Variants in HABP4 observed in about 807,000 individuals in gnomAD.
The protein encoded by HABP4 is hyaluronan binding protein 4, also known as intracellular hyaluronan-binding protein 4.
In HABP4, 32 loss-of-function variants were observed where a neutral mutation model predicts 44.1. That is an observed-to-expected ratio of 0.73 (90% CI 0.55 to 0.97). HABP4 has a LOEUF of 0.97. Among genes scored for constraint, HABP4 ranks in the 50% least tolerant of loss-of-function variants. The pLI is 0.00. For synonymous variants in HABP4, 216 were observed against 218.0 expected (o/e 0.99, Z 0.08); for missense variants, 503 against 561.9 (o/e 0.90, Z 1.06).
chr9:96,461,985 C>A (rs1010500012), intron 2 of HABP4, among the ~76,000 whole-genome samples: 2 of 151,480 alleles, frequency 1.3e-5, no homozygotes, highest in Non-Finnish European at 2.9e-5. Flanking sequence ...AGTGAATCCC[C>A]GCCTTATTAA....
intron 5 of HABP4, among the ~76,000 whole-genome samples, chr9:96,471,637 G>A (rs1359968465): frequency 6.6e-6 from 1 of 152,150 alleles, no homozygotes; most frequent in Admixed American, 6.5e-5. Flanking sequence ...CTCTTTTCCA[G>A]CAGCTTGTTA....
chr9:96,464,308 G>A (rs1832558373), intron 2 of HABP4, among the ~76,000 whole-genome samples: 1 of 152,152 alleles, frequency 6.6e-6, no homozygotes, highest in African/African-American at 2.4e-5. Context: ...GGGGGGCCAG[G>A]CGGATGTGGC....
chr9:96,466,623 A>G (rs538670197), intron 4 of HABP4, among the ~76,000 whole-genome samples: 23 of 152,328 alleles, frequency 1.5e-4, no homozygotes, highest in Middle Eastern at 3.4e-3. Context: ...ATTTCATAAA[A>G]TCATTTGTAG....
chr9:96,452,461 T>C (rs1832301234), intron 1 of HABP4, among the ~76,000 whole-genome samples: 1 of 152,154 alleles, frequency 6.6e-6, no homozygotes, highest in Non-Finnish European at 1.5e-5. Flanking sequence ...TTAAATGATA[T>C]AAACTGGGTT....
intron 5 of HABP4, among the ~76,000 whole-genome samples, chr9:96,479,998 C>A (rs943869809): frequency 2.0e-5 from 3 of 151,860 alleles, no homozygotes; most frequent in Non-Finnish European, 4.4e-5. Flanking sequence ...GACCCTCCCC[C>A]ACCCAGTCTC....
intron 5 of HABP4, among the ~76,000 whole-genome samples, chr9:96,479,396 T>G (rs1322136874): frequency 2.0e-5 from 3 of 151,814 alleles, no homozygotes; most frequent in African/African-American, 7.3e-5. Flanking sequence ...CATAAACATT[T>G]AGGTTACTTT....
chr9:96,484,537 A>T lies in HABP4; in HGVS notation c.903A>T (p.Glu301Asp). The change falls in exon 6 of 8, where the codon GAA (glutamate) becomes GAT (aspartate). Residue 301 changes from glutamate to aspartate, a missense_variant. Physicochemically the swap from Glu to Asp is conservative, Grantham distance 45. Around this residue, in one of 3 missense-constraint regions of HABP4, gnomAD observed 131 missense variants for 189.8 expected, o/e 0.69. Coordinates refer to ENST00000375249, the MANE Select transcript of HABP4 (RefSeq NM_014282.4). ...MTLDEWKNLQ[E>D]QTRPKPEFNI... ...TAGATGAGTGGAAAAATCTTCAAGA[A>T]CAGACCAGACCAAAGCCTGAGTTTA... 6.3e-7 allele frequency: 1 copy of T among 1,588,894 alleles called. No individual in the cohort carries two copies. Among genetic ancestry groups the T allele is most frequent in the Non-Finnish European group, 8.6e-7 (1 of 1,156,972 alleles).
intron 5 of HABP4, among the ~76,000 whole-genome samples, chr9:96,476,071 T>G (rs1159222293): frequency 6.6e-6 from 1 of 152,188 alleles, no homozygotes; most frequent in Non-Finnish European, 1.5e-5. Flanking sequence ...TCTGCGCATA[T>G]CATGACTGTT....
intron 2 of HABP4, 123 bp from the exon 3 acceptor site, chr9:96,465,214 A>G (rs1175112283): frequency 3.2e-5 from 22 of 691,572 alleles, no homozygotes; most frequent in Admixed American, 1.2e-4. Context: ...TTAACTATTA[A>G]TTTGTGATTC....
intron 1 of HABP4, among the ~76,000 whole-genome samples, chr9:96,456,509 C>G (rs1030961402): frequency 6.6e-6 from 1 of 151,682 alleles, no homozygotes; most frequent in Non-Finnish European, 1.5e-5. Context: ...GCCTGTAATC[C>G]CAGCACTTTG....
At chr9:96,464,377 A>C (rs1033899436) in intron 2 of HABP4, among the ~76,000 whole-genome samples, 1 of 152,204 alleles carries the variant, frequency 6.6e-6, no homozygotes. Flanking sequence ...GCTCTGCCTC[A>C]AAAAAAGAAA....
chr9:96,488,300 C>T lies in HABP4; in HGVS notation c.1185+26C>T, dbSNP rs1375452090. 9.0e-6 allele frequency: 14 copies of T among 1,547,578 alleles called. No individual in the cohort carries two copies. The highest frequency in any genetic ancestry group is 1.8e-4 in the Middle Eastern group (1 of 5,442). ...GTAGGTGTCTGTATTGACGGTTTGG[C>T]GAAAGAAGTTAATAAGGACAGTGCC... On this transcript the variant is annotated intron_variant, in intron 7 of 7. Transcript: ENST00000375249. This position sits in a 1 kb window ranked among gnomAD's most constrained non-coding sequence, Gnocchi z 4.6.
At chr9:96,486,600 C>T (rs1456105532) in intron 6 of HABP4, among the ~76,000 whole-genome samples, 1 of 147,852 alleles carries the variant, frequency 6.8e-6, no homozygotes, top group Admixed American at 6.6e-5. Context: ...GTCATCAAGC[C>T]TGGTCTCAGT....
In HABP4 at chr9:96,456,819, A is replaced by C. The variant is rs199544309; in HGVS notation, c.350-1560A>C. The stretch of plus-strand genomic sequence containing the variant: ...TATATATATATATATATATATATAT[A>C]TATCCATTAACTTGAATAAATGTCA... On this transcript the variant is annotated intron_variant, in intron 1 of 7. Coordinates refer to ENST00000375249, the MANE Select transcript of HABP4 (RefSeq NM_014282.4). 2.1e-4 allele frequency among the ~76,000 whole-genome samples: 26 copies of C among 123,572 alleles called. No homozygotes were observed. In the East Asian group the frequency reaches 4.8e-3, roughly 23 times the overall value. 81.1% of individuals were successfully genotyped at this position (123,572 alleles called of 152,430 possible).
At position 96,455,457 on chromosome 9, in the gene HABP4, CAAAAAAA is replaced by C. The variant is rs34929442; in HGVS notation, c.350-2906_350-2900del. Among the ~76,000 whole-genome samples the C allele has an allele frequency of 4.3e-4, 27 of 63,000 alleles. No individual in the cohort carries two copies. The South Asian group carries it at 0.016, about 37-fold the overall frequency. 41.3% of individuals were successfully genotyped at this position (63,000 alleles called of 152,430 possible). ...TCTGGGTGACGGAGTGAGACTGTCT[CAAAAAAA>C]AAAAAAAAAAAAAAAGTGGCCAGGC... On this transcript the variant is annotated intron_variant, in intron 1 of 7. Transcript: ENST00000375249.
chr9:96,485,782 T>C (rs1286425232), intron 6 of HABP4, among the ~76,000 whole-genome samples: 1 of 152,014 alleles, frequency 6.6e-6, no homozygotes, highest in Non-Finnish European at 1.5e-5. Flanking sequence ...TATTTCGAGG[T>C]GGGAGTGAGC....
chr9:96,483,340 C>T (rs1036167425), intron 5 of HABP4: 4 of 151,620 alleles, frequency 2.6e-5, no homozygotes, highest in African/African-American at 9.7e-5. Flanking sequence ...TTTGTCTCAA[C>T]TAAAGAGGAC....
chr9:96,490,309 T>C lies in HABP4; in HGVS notation c.*271T>C, dbSNP rs1833068018. ...AATGTTTAAAATGTGTATATAGAGA[T>C]AGTATAGACTCCTCCGCGGAAGCAT... On this transcript the variant is annotated 3_prime_UTR_variant, in exon 8 of 8. Transcript: ENST00000375249. 1 of 392,976 alleles carries C rather than the reference T, an allele frequency of 2.5e-6. No individual in the cohort carries two copies. Among genetic ancestry groups the C allele is most frequent in the Non-Finnish European group, 4.6e-6 (1 of 218,096 alleles). 24.3% of individuals were successfully genotyped at this position (392,976 alleles called of 1,614,324 possible).
chr9:96,456,750 A>G (rs1470418681), intron 1 of HABP4, among the ~76,000 whole-genome samples: 1 of 108,726 alleles, frequency 9.2e-6, no homozygotes, highest in Admixed American at 1.1e-4. Flanking sequence ...ACAGAGCAAG[A>G]CTCCATCTCA....
Sources: gnomAD v4.1 joint callset for allele counts (sites outside exome capture counted in the v4.1 genomes callset) on GRCh38, gnomAD v4.1.1 for gene constraint, gnomAD v4.1.1 regional missense constraint, Gnocchi (gnomAD v3.1) non-coding constraint, MANE v1.5 for transcripts, NCBI Gene and HGNC (gene_info 2026-07-23, HGNC 2026-07-21) for gene names.